FIS1: variants seen among roughly 807,000 people sequenced by gnomAD.
The protein encoded by FIS1 is mitochondrial fission 1 protein.
A neutral mutation model predicts 21.6 loss-of-function variants in FIS1; 16 were observed. The observed-to-expected ratio is 0.74, with a 90% CI of 0.50 to 1.12. The LOEUF (loss-of-function observed/expected upper bound fraction) is 1.12, where lower values mean the gene tolerates loss of function less well. Ranked by LOEUF, FIS1 falls within the 50% of genes most tolerant of loss-of-function variation. The pLI, the probability that FIS1 is intolerant of heterozygous loss-of-function variation, is 0.00. For synonymous variants in FIS1, 92 were observed against 82.2 expected (o/e 1.12, Z -0.65); for missense variants, 198 against 190.9 (o/e 1.04, Z -0.22).
rs752687673 is a variant in FIS1, at chr7:101,244,400, C to T, written c.46-261G>A. ...GCCACCTGGTGGCAGCTCCAGGCACCGCTCCCGGAGCAGCTGACCCCGGCG... is the reference window on the plus strand; with the variant it reads ...GCCACCTGGTGGCAGCTCCAGGCACTGCTCCCGGAGCAGCTGACCCCGGCG... On this transcript the variant is annotated intron_variant, in intron 1 of 4. Coordinates refer to ENST00000223136, the MANE Select transcript of FIS1 (RefSeq NM_016068.3). Among the ~76,000 whole-genome samples the T allele has an allele frequency of 9.2e-5, 14 of 152,194 alleles. No individual in the cohort carries two copies. The East Asian group carries it at 2.7e-3, about 29-fold the overall frequency.
chr7:101,240,235 C>G lies in FIS1; in HGVS notation c.268G>C (p.Ala90Pro). The G allele has an allele frequency of 6.2e-7, 1 of 1,614,218 alleles. No individual in the cohort carries two copies. Among genetic ancestry groups the G allele is most frequent in the East Asian group, 2.2e-5 (1 of 44,892 alleles). The change falls in exon 4 of 5, where the codon GCC becomes CCC. Residue 90 changes from alanine to proline, a missense_variant. Coordinates refer to ENST00000223136, the MANE Select transcript of FIS1 (RefSeq NM_016068.3). ...AGCAACCCGCGGACGTACTTTAAGG[C>G]CTTCTCGTATTCCTGCGCTCGGGGA... ...GNYRLKEYEK[A>P]LKYVRGLLQT...
intron 3 of FIS1, 40 bp downstream of exon 3, chr7:101,240,789 AG>A (rs1173371417): frequency 6.3e-7 from 1 of 1,595,878 alleles, no homozygotes; most frequent in Non-Finnish European, 8.6e-7. Context: ...AAGGTCCTGC[AG>A]CCCCAGAGGA....
chr7:101,244,783 C>A (rs760507914), intron 1 of FIS1, 177 bp downstream of exon 1: 8 of 698,934 alleles, frequency 1.1e-5, no homozygotes, highest in South Asian at 5.4e-5. Flanking sequence ...CTCCCAGGAG[C>A]CTCTGCGGCA....
chr7:101,239,755 G>C lies in FIS1; in HGVS notation c.*51C>G, dbSNP rs1002323532. 1.4e-6 allele frequency: 2 copies of C among 1,446,846 alleles called. No individual in the cohort carries two copies. The highest frequency in any genetic ancestry group is 1.9e-6 in the Non-Finnish European group (2 of 1,049,406). The allele number at this position is 1,446,846 out of a possible 1,614,324, so 89.6% of individuals were successfully genotyped here. A position where few individuals can be genotyped will look rare whatever the true frequency, so the allele number is the denominator to read the frequency against. On this transcript the variant is annotated 3_prime_UTR_variant, in exon 5 of 5. Transcript: ENST00000223136. ...AGGGGGAGAACAGGGAAAGGACAGC[G>C]AGGATGGACAGGCCCTCCTGGAGCG...
intron 2 of FIS1, among the ~76,000 whole-genome samples, chr7:101,242,293 C>G (rs899581464): frequency 6.6e-6 from 1 of 152,120 alleles, no homozygotes; most frequent in Admixed American, 6.6e-5. Flanking sequence ...GAATTTGTTG[C>G]TAAATAATTC....
At position 101,244,955 on chromosome 7, in the gene FIS1, C is replaced by T. The variant is rs1328464873; in HGVS notation, c.45+5G>A. On this transcript the variant is annotated splice_donor_5th_base_variant and intron_variant, in intron 1 of 4. Coordinates refer to ENST00000223136, the MANE Select transcript of FIS1 (RefSeq NM_016068.3). ...CCCTTTCCCTCTGTCCGGGCCAGGC[C>T]TCACCAGCAGGTCCTCCACAGACAC... The T allele has an allele frequency of 6.2e-7, 1 of 1,614,106 alleles. No homozygotes were observed. The highest frequency in any genetic ancestry group is 8.5e-7 in the Non-Finnish European group (1 of 1,179,978).
rs747265977 is a variant in FIS1 at position 101,240,221 on chromosome 7, G to T, written c.282C>A (p.Val94=). 1 of 1,614,124 alleles carries T rather than the reference G, an allele frequency of 6.2e-7. No individual in the cohort carries two copies. Among genetic ancestry groups the T allele is most frequent in the Admixed American group, 1.7e-5 (1 of 60,006 alleles). ...GGGGCTCTGTCTGCAGCAACCCGCG[G>T]ACGTACTTTAAGGCCTTCTCGTATT... ...LKEYEKALKY[V]RGLLQTEPQN... The change falls in exon 4 of 5, where the codon GTC becomes GTA. Residue 94 remains valine (V), a synonymous_variant. Transcript: ENST00000223136.
Position 101,245,000 on chromosome 7 carries a change from T to A in FIS1, c.5A>T (p.Glu2Val). The A allele has an allele frequency of 6.2e-7, 1 of 1,613,950 alleles. No individual in the cohort carries two copies. The highest frequency in any genetic ancestry group is 8.5e-7 in the Non-Finnish European group (1 of 1,179,926). M[E>V]AVLNELVSVE... ...AGACACCAGCTCGTTCAGCACGGCC[T>A]CCATGGCCACTGCCCCCGCGAGCCT... The change falls in exon 1 of 5, where the codon GAG becomes GTG. Residue 2 changes from glutamate to valine, a missense_variant. Transcript: ENST00000223136.
chr7:101,244,749 T>C (rs768191334), intron 1 of FIS1: 1 of 593,900 alleles, frequency 1.7e-6, no homozygotes, highest in South Asian at 2.1e-5. Context: ...TAGTCTGAGG[T>C]GTGGGGGGCT....
In FIS1 at chr7:101,239,507, CG is replaced by C; in HGVS notation, c.*298del. On this transcript the variant is annotated 3_prime_UTR_variant, in exon 5 of 5. Transcript: ENST00000223136. The stretch of plus-strand genomic sequence containing the variant: ...GGGCTGCGGGGTGGACAAAGAACCC[CG>C]TGCCAACCTGGAGGGCAGGGGCAGG... 2.1e-6 allele frequency: 1 copy of C among 469,396 alleles called. No individual in the cohort carries two copies. The highest frequency in any genetic ancestry group is 4.0e-6 in the Non-Finnish European group (1 of 252,498). 29.1% of individuals were successfully genotyped at this position (469,396 alleles called of 1,614,324 possible).
In FIS1 at chr7:101,240,774, G is replaced by A; in HGVS notation, c.255+56C>T. 6 of 1,553,552 alleles carry A rather than the reference G, an allele frequency of 3.9e-6. No homozygotes were observed. In the East Asian group the frequency reaches 6.7e-5, roughly 17 times the overall value. On this transcript the variant is annotated intron_variant, in intron 3 of 4. Coordinates refer to ENST00000223136, the MANE Select transcript of FIS1 (RefSeq NM_016068.3). The stretch of plus-strand genomic sequence containing the variant: ...CCAGGGCTCCACCCTGGAGGACACA[G>A]TAAGAAGGTCCTGCAGCCCCAGAGG...
At chr7:101,240,394 G>T in intron 3 of FIS1, 147 bp from the exon 4 acceptor site, 1 of 744,084 alleles carries the variant, frequency 1.3e-6, no homozygotes, top group Non-Finnish European at 2.2e-6. Flanking sequence ...AAACTCCCAG[G>T]CTCAAGCAGT....
chr7:101,240,571 C>G (rs1296126352), intron 3 of FIS1, among the ~76,000 whole-genome samples: 1 of 152,224 alleles, frequency 6.6e-6, no homozygotes, highest in Non-Finnish European at 1.5e-5. Flanking sequence ...AGCCCCACCC[C>G]ACGGAGTAGA....
At chr7:101,242,278 C>T (rs1227530090) in intron 2 of FIS1, among the ~76,000 whole-genome samples, 1 of 152,092 alleles carries the variant, frequency 6.6e-6, no homozygotes, top group Non-Finnish European at 1.5e-5. Context: ...GTACTGTATG[C>T]ACTAGAATTT....
rs747270083 is a variant in FIS1, at chr7:101,245,053, T to G, written c.-49A>C. 1 of 1,591,480 alleles carries G rather than the reference T, an allele frequency of 6.3e-7. No individual in the cohort carries two copies. The highest frequency in any genetic ancestry group is 1.1e-5 in the South Asian group (1 of 88,394). On this transcript the variant is annotated 5_prime_UTR_variant, in exon 1 of 5. Coordinates refer to ENST00000223136, the MANE Select transcript of FIS1 (RefSeq NM_016068.3). ...CACTACAGTCTACTGTGCCACAGTC[T>G]CCATGGCCCAGTGGCAGGGGCGGAG...
intron 2 of FIS1, among the ~76,000 whole-genome samples, chr7:101,242,100 T>C (rs1220951853): frequency 6.6e-6 from 1 of 152,038 alleles, no homozygotes; most frequent in Admixed American, 6.6e-5. Context: ...CCACCATGCC[T>C]GGCTAATTTA....
chr7:101,243,698 G>T (rs534822572), intron 2 of FIS1, among the ~76,000 whole-genome samples: 1 of 152,332 alleles, frequency 6.6e-6, no homozygotes, highest in South Asian at 2.1e-4. Context: ...GTGTTGGGGG[G>T]AAGGGCATGG....
chr7:101,242,439 A>G (rs1175306624), intron 2 of FIS1, among the ~76,000 whole-genome samples: 1 of 152,066 alleles, frequency 6.6e-6, no homozygotes, highest in Non-Finnish European at 1.5e-5. Flanking sequence ...GTAGACAAAC[A>G]TAGGGTAAAA....
Position 101,239,493 on chromosome 7 carries a change from T to C in FIS1, c.*313A>G, listed in dbSNP as rs1584269895. On this transcript the variant is annotated 3_prime_UTR_variant, in exon 5 of 5. Transcript: ENST00000223136. ...AGGGTGTGGGCTCTGGGCTGCGGGG[T>C]GGACAAAGAACCCCGTGCCAACCTG... is the stretch of plus-strand genomic sequence containing the variant. 2.3e-6 allele frequency: 1 copy of C among 441,008 alleles called. No homozygotes were observed. Among genetic ancestry groups the C allele is most frequent in the African/African-American group, 2.0e-5 (1 of 49,604 alleles). 27.3% of individuals were successfully genotyped at this position (441,008 alleles called of 1,614,324 possible). A position where few individuals can be genotyped will look rare whatever the true frequency, so the allele number is the denominator to read the frequency against.
Sources: gnomAD v4.1 joint callset for allele counts (sites outside exome capture counted in the v4.1 genomes callset) on GRCh38, gnomAD v4.1.1 for gene constraint, MANE v1.5 for transcripts, NCBI Gene and HGNC (gene_info 2026-07-23, HGNC 2026-07-21) for gene names.